ATRNL1: variants seen among roughly 807,000 people sequenced by gnomAD.
The protein encoded by ATRNL1 is attractin like 1.
A neutral mutation model predicts 182.7 loss-of-function variants in ATRNL1; 95 were observed. The observed-to-expected ratio is 0.52, with a 90% CI of 0.44 to 0.62. ATRNL1 has a LOEUF of 0.62. ATRNL1 is among the 20% of genes least tolerant of loss of function. The pLI is 0.00. For synonymous variants in ATRNL1, 576 were observed against 568.3 expected (o/e 1.01, Z -0.19); for missense variants, 1,471 against 1,679.5 (o/e 0.88, Z 2.17).
At chr10:115,487,206 A>G (rs538817480) in intron 24 of ATRNL1, among the ~76,000 whole-genome samples, 6 of 152,156 alleles carry the variant, frequency 3.9e-5, no homozygotes, top group African/African-American at 4.8e-5. Flanking sequence ...GCTTAGGACT[A>G]TCTGGGATAT....
chr10:115,872,778 T>C (rs2134420514), intron 28 of ATRNL1, among the ~76,000 whole-genome samples: 1 of 152,364 alleles, frequency 6.6e-6, no homozygotes, highest in South Asian at 2.1e-4. Context: ...AGAGCAACTG[T>C]AAATCAGGCA....
chr10:115,344,516 C>T (rs1349026335), intron 19 of ATRNL1, among the ~76,000 whole-genome samples: 1 of 152,114 alleles, frequency 6.6e-6, no homozygotes, highest in Non-Finnish European at 1.5e-5. Context: ...CTGGGACTCA[C>T]CCTTTAGGGG....
intron 27 of ATRNL1, among the ~76,000 whole-genome samples, chr10:115,836,954 C>T (rs1375239170): frequency 6.6e-6 from 1 of 152,048 alleles, no homozygotes; most frequent in African/African-American, 2.4e-5. Context: ...TCCTTGAAGG[C>T]TTAATCAATT....
chr10:115,585,361 C>A, intron 26 of ATRNL1, among the ~76,000 whole-genome samples: 1 of 111,438 alleles, frequency 9.0e-6, no homozygotes, highest in African/African-American at 3.5e-5. Flanking sequence ...TTAAAGTCTC[C>A]CATTATTAAT....
intron 18 of ATRNL1, 26 bp from the exon 19 acceptor site, chr10:115,334,256 G>T: frequency 2.1e-6 from 3 of 1,397,238 alleles, no homozygotes; most frequent in Non-Finnish European, 2.9e-6. Flanking sequence ...TTAGATATTT[G>T]TAATGCTTTT....
intron 26 of ATRNL1, among the ~76,000 whole-genome samples, chr10:115,586,903 T>C (rs1254369510): frequency 6.2e-5 from 7 of 112,476 alleles, no homozygotes; most frequent in African/African-American, 1.9e-4. Flanking sequence ...TTTTGGTCTA[T>C]GATGATGGTA....
At chr10:115,306,428 T>C (rs1221507097) in intron 17 of ATRNL1, among the ~76,000 whole-genome samples, 8 of 152,156 alleles carry the variant, frequency 5.3e-5, no homozygotes, top group African/African-American at 1.9e-4. Flanking sequence ...CTTTGGGAGC[T>C]TTTAAGATTT....
At chr10:115,483,446 CT>C (rs1474903156) in intron 24 of ATRNL1, among the ~76,000 whole-genome samples, 7 of 151,358 alleles carry the variant, frequency 4.6e-5, no homozygotes, top group African/African-American at 1.7e-4. Context: ...TTATTTAATT[CT>C]TTCATTCCTT....
At chr10:115,306,292 A>G (rs781999989) in intron 17 of ATRNL1, among the ~76,000 whole-genome samples, 16 of 152,290 alleles carry the variant, frequency 1.1e-4, no homozygotes, top group South Asian at 4.1e-4. Flanking sequence ...TTGAATGATA[A>G]AATGGCTAAA....
At chr10:115,403,257 C>CCTTT (rs782077494) in intron 20 of ATRNL1, among the ~76,000 whole-genome samples, 2 of 107,470 alleles carry the variant, frequency 1.9e-5, no homozygotes, top group Non-Finnish European at 1.7e-5. Context: ...TTACTCTCAT[C>CCTTT]TTTTTTTTTT....
chr10:115,877,043 C>A (rs1194727682), intron 28 of ATRNL1, among the ~76,000 whole-genome samples: 1 of 152,118 alleles, frequency 6.6e-6, no homozygotes, highest in Non-Finnish European at 1.5e-5. Flanking sequence ...GCTTTATAAG[C>A]AATTGTAAAC....
At chr10:115,891,510 C>T (rs1164168960) in intron 28 of ATRNL1, among the ~76,000 whole-genome samples, 1 of 152,078 alleles carries the variant, frequency 6.6e-6, no homozygotes, top group Non-Finnish European at 1.5e-5. Flanking sequence ...TATATAATGC[C>T]AATGTTTGGA....
At chr10:115,933,200 A>T (rs1953457308) in intron 28 of ATRNL1, among the ~76,000 whole-genome samples, 1 of 152,258 alleles carries the variant, frequency 6.6e-6, no homozygotes, top group African/African-American at 2.4e-5. Flanking sequence ...TAGACACAAG[A>T]TCAAGTCCCA....
At chr10:115,121,853 G>A (rs371011681) in intron 3 of ATRNL1, 41 bp downstream of exon 3, 2 of 945,938 alleles carry the variant, frequency 2.1e-6, no homozygotes, top group Non-Finnish European at 3.2e-6. Context: ...AAGTGACTGT[G>A]TAATTGCTTC....
chr10:115,726,717 TA>T (rs1310691092), intron 26 of ATRNL1, among the ~76,000 whole-genome samples: 2 of 152,244 alleles, frequency 1.3e-5, no homozygotes, highest in Non-Finnish European at 2.9e-5. Context: ...CTGCCAATAA[TA>T]ATTCCTTCTG....
chr10:115,665,786 C>T (rs1352177416), intron 26 of ATRNL1, among the ~76,000 whole-genome samples: 1 of 152,130 alleles, frequency 6.6e-6, no homozygotes, highest in Non-Finnish European at 1.5e-5. Context: ...CTGAATAAGG[C>T]AGACATTGGA....
intron 10 of ATRNL1, among the ~76,000 whole-genome samples, chr10:115,254,382 A>G (rs1398677604): frequency 2.6e-5 from 4 of 152,064 alleles, no homozygotes; most frequent in Non-Finnish European, 5.9e-5. Flanking sequence ...TTCTCTGATG[A>G]CCAGTGATGA....
At chr10:115,451,518 T>G (rs1427101667) in intron 21 of ATRNL1, among the ~76,000 whole-genome samples, 1 of 152,084 alleles carries the variant, frequency 6.6e-6, no homozygotes, top group Non-Finnish European at 1.5e-5. Context: ...CAAAGCTCAG[T>G]ATCGTTGATT....
At chr10:115,666,347 G>T (rs1041772794) in intron 26 of ATRNL1, among the ~76,000 whole-genome samples, 9 of 152,036 alleles carry the variant, frequency 5.9e-5, no homozygotes, top group African/African-American at 2.2e-4. Flanking sequence ...TTGCTTTTAT[G>T]TGTTTGTTTA....
Sources: gnomAD v4.1 joint callset for allele counts (sites outside exome capture counted in the v4.1 genomes callset) on GRCh38, gnomAD v4.1.1 for gene constraint, MANE v1.5 for transcripts, NCBI Gene and HGNC (gene_info 2026-07-23, HGNC 2026-07-21) for gene names.